Variants in STS observed in about 807,000 individuals in gnomAD.
STS encodes steryl-sulfatase.
A neutral mutation model predicts 26.8 loss-of-function variants in STS; 7 were observed. The observed-to-expected ratio is 0.26, with a 90% CI of 0.15 to 0.49. STS has a LOEUF of 0.49. Ranked by LOEUF, STS falls within the 20% of genes least tolerant of loss-of-function variation. STS has a pLI of 0.98. For missense variants in STS, 434 were observed against 465.6 expected, an observed-to-expected ratio of 0.93 and a Z score of 0.63; for synonymous variants, 199 against 189.4, an observed-to-expected ratio of 1.05 and a Z score of -0.42.
At chrX:7,201,817 G>A (rs1365257184) in intron 2 of STS, among the ~76,000 whole-genome samples, 2 of 110,996 alleles carry the variant, frequency 1.8e-5, no homozygotes, top group Admixed American at 1.9e-4. Flanking sequence ...AGCCTTTAGA[G>A]AGTCCAGATC....
intron 1 of STS, among the ~76,000 whole-genome samples, chrX:7,150,711 A>G (rs1350566565): frequency 3.6e-5 from 4 of 110,096 alleles, no homozygotes; most frequent in East Asian, 2.8e-4. Flanking sequence ...CATCACTTCT[A>G]TGCATAAGAT....
At chrX:7,325,216 G>C (rs758015827) in intron 8 of STS, 123 bp from the exon 9 acceptor site, 216 of 717,006 alleles carry the variant, frequency 3.0e-4, no homozygotes, top group Non-Finnish European at 4.2e-4. Context: ...AATACTCATA[G>C]ATGGAATCTA....
intron 7 of STS, among the ~76,000 whole-genome samples, chrX:7,279,490 AGAG>A (rs1279799009): frequency 9.5e-6 from 1 of 104,794 alleles, no homozygotes; most frequent in Admixed American, 1.1e-4. Flanking sequence ...GTCAGGGAGA[AGAG>A]GAGTTCTGTT....
intron 7 of STS, among the ~76,000 whole-genome samples, chrX:7,288,643 T>TAC: frequency 5.7e-5 from 1 of 17,649 alleles, no homozygotes; most frequent in African/African-American, 2.1e-4. Flanking sequence ...TCTGTACGTG[T>TAC]GTGTGTGTGT....
chrX:7,325,313 C>G, intron 8 of STS, 26 bp from the exon 9 acceptor site: 1 of 1,208,896 alleles, frequency 8.3e-7, no homozygotes, highest in Non-Finnish European at 1.1e-6. Context: ...TCCCTGTTGC[C>G]TCTTACCTCT....
intron 8 of STS, among the ~76,000 whole-genome samples, chrX:7,319,333 TA>T (rs768427118): frequency 1.2e-4 from 13 of 109,777 alleles, no homozygotes; most frequent in Non-Finnish European, 1.7e-4. Context: ...TTATTATTAA[TA>T]TTTTTTTGTA....
chrX:7,250,013 G>A (rs746332615), intron 2 of STS, among the ~76,000 whole-genome samples: 8 of 110,716 alleles, frequency 7.2e-5, no homozygotes, highest in Admixed American at 1.9e-4. Context: ...CTGTAGTCTC[G>A]AACCCCTGGG....
chrX:7,229,894 G>C (rs753305300), intron 2 of STS, among the ~76,000 whole-genome samples: 1 of 108,671 alleles, frequency 9.2e-6, no homozygotes, highest in African/African-American at 3.4e-5. Flanking sequence ...GTCGGGGGGC[G>C]GGGGGACAGG....
At chrX:7,240,529 G>A (rs867553686) in intron 2 of STS, among the ~76,000 whole-genome samples, 1,327 of 46,985 alleles carry the variant, frequency 0.028, 22 homozygotes, top group African/African-American at 0.049. Flanking sequence ...GTGTGTGTGT[G>A]TGTGTATATA....
chrX:7,282,185 GGTTTGTTTGTTT>G (rs138605314), intron 7 of STS, among the ~76,000 whole-genome samples: 2 of 108,201 alleles, frequency 1.8e-5, no homozygotes, highest in Non-Finnish European at 3.8e-5. Context: ...AGTGGTAAAT[GGTTTGTTTGTTT>G]GTTTGTTTGT....
intron 1 of STS, among the ~76,000 whole-genome samples, chrX:7,171,937 A>G (rs1333124053): frequency 8.9e-6 from 1 of 111,933 alleles, no homozygotes; most frequent in Admixed American, 9.5e-5. Flanking sequence ...TTTATTTTAC[A>G]TTGCATTTAA....
chrX:7,256,909 T>C (rs917309895), intron 3 of STS, among the ~76,000 whole-genome samples: 5 of 112,060 alleles, frequency 4.5e-5, no homozygotes, highest in Non-Finnish European at 9.4e-5. Context: ...TTGCCTTTGC[T>C]CATTGAGAAG....
At chrX:7,297,579 G>A (rs1925729093) in intron 7 of STS, among the ~76,000 whole-genome samples, 1 of 111,870 alleles carries the variant, frequency 8.9e-6, no homozygotes, top group Non-Finnish European at 1.9e-5. Context: ...GTTAACTTAT[G>A]ACATGTGAAA....
At chrX:7,160,853 C>A (rs1474980759) in intron 1 of STS, among the ~76,000 whole-genome samples, 3 of 111,837 alleles carry the variant, frequency 2.7e-5, no homozygotes, top group African/African-American at 9.7e-5. Flanking sequence ...AAATACGTAT[C>A]CTAAAGAGTG....
chrX:7,298,258 A>T (rs1461649185), intron 7 of STS, among the ~76,000 whole-genome samples: 1 of 111,630 alleles, frequency 9.0e-6, no homozygotes, highest in East Asian at 2.8e-4. Flanking sequence ...ATGCCTTTTT[A>T]TTTTGGTCCT....
rs1055479947 is a variant in STS at position 7,351,434 on chromosome X, G to A, written c.*1173G>A. ...TTCCCCCAAGCCCCTGTAAATCAGG[G>A]AAAATGCGCAACTGATCGCCTAGGA... On this transcript the variant is annotated 3_prime_UTR_variant, in exon 11 of 11. Transcript: ENST00000674429. The A allele has an allele frequency of 7.2e-5, 8 of 111,845 alleles. No individual in the cohort carries two copies. Among genetic ancestry groups the A allele is most frequent in the African/African-American group, 2.3e-4 (7 of 30,736 alleles). The allele number at this position is 111,845 out of a possible 1,213,427, so 9.2% of individuals were successfully genotyped here. A position where few individuals can be genotyped will look rare whatever the true frequency, so the allele number is the denominator to read the frequency against.
chrX:7,201,132 A>G (rs1377900632), intron 2 of STS, among the ~76,000 whole-genome samples: 3 of 111,439 alleles, frequency 2.7e-5, no homozygotes, highest in African/African-American at 9.8e-5. Context: ...TAGATAGATG[A>G]TGGATGATAG....
chrX:7,329,254 T>A (rs1229213331), intron 9 of STS, among the ~76,000 whole-genome samples: 1 of 111,863 alleles, frequency 8.9e-6, no homozygotes, highest in Non-Finnish European at 1.9e-5. Flanking sequence ...CCCCCAGGGG[T>A]CACTTATCAA....
intron 2 of STS, among the ~76,000 whole-genome samples, chrX:7,239,881 CTTTT>C (rs71893716): frequency 1.3e-5 from 1 of 74,896 alleles, no homozygotes; most frequent in Admixed American, 1.7e-4. Context: ...TTCTAAGTGG[CTTTT>C]TTTTTTTTTT....
Sources: gnomAD v4.1 joint callset for allele counts (sites outside exome capture counted in the v4.1 genomes callset) on GRCh38, gnomAD v4.1.1 for gene constraint, MANE v1.5 for transcripts, NCBI Gene and HGNC (gene_info 2026-07-23, HGNC 2026-07-21) for gene names.